The following ZNF280D variants were observed in gnomAD, a reference collection of about 807,000 sequenced individuals.
The protein encoded by ZNF280D is zinc finger protein 280D.
A neutral mutation model predicts 94.7 loss-of-function variants in ZNF280D; 39 were observed. The observed-to-expected ratio is 0.41, with a 90% CI of 0.32 to 0.54. The LOEUF is 0.54. Among genes scored for constraint, ZNF280D ranks in the 20% least tolerant of loss-of-function variants. ZNF280D has a pLI of 0.22. For synonymous variants in ZNF280D, 398 were observed against 377.6 expected, an observed-to-expected ratio of 1.05 and a Z score of -0.63; for missense variants, 1,090 against 1,149.3, an observed-to-expected ratio of 0.95 and a Z score of 0.75.
chr15:56,642,666 G>C (rs565551417), intron 20 of ZNF280D, among the ~76,000 whole-genome samples: 69 of 151,532 alleles, frequency 4.6e-4, no homozygotes, highest in African/African-American at 1.6e-3. Context: ...ACTGATTTGG[G>C]GATTTTTAAT....
intron 10 of ZNF280D, among the ~76,000 whole-genome samples, chr15:56,679,029 T>G (rs1422808759): frequency 6.6e-6 from 1 of 152,220 alleles, no homozygotes; most frequent in Non-Finnish European, 1.5e-5. Flanking sequence ...TGCTTTAAAA[T>G]AATTCATTCA....
At chr15:56,649,382 T>A (rs2053080406) in intron 19 of ZNF280D, among the ~76,000 whole-genome samples, 1 of 152,132 alleles carries the variant, frequency 6.6e-6, no homozygotes, top group Non-Finnish European at 1.5e-5. Flanking sequence ...GCTTACCAGA[T>A]ATCAAAGGCA....
intron 1 of ZNF280D, among the ~76,000 whole-genome samples, chr15:56,727,003 C>G (rs958718974): frequency 1.3e-5 from 2 of 152,080 alleles, no homozygotes; most frequent in Non-Finnish European, 2.9e-5. Context: ...TTTAACCCCC[C>G]CAAAAAAGGG....
intron 13 of ZNF280D, among the ~76,000 whole-genome samples, 195 bp downstream of exon 13, chr15:56,676,475 C>T (rs1187087099): frequency 1.3e-5 from 2 of 152,010 alleles, no homozygotes; most frequent in Non-Finnish European, 2.9e-5. Flanking sequence ...TTATTTATGA[C>T]CCACACCATC....
chr15:56,704,142 T>C lies in ZNF280D; in HGVS notation c.154A>G (p.Ser52Gly), dbSNP rs147937001. 10 of 1,613,748 alleles carry C rather than the reference T, an allele frequency of 6.2e-6. No homozygotes were observed. Among genetic ancestry groups the C allele is most frequent in the Non-Finnish European group, 7.6e-6 (9 of 1,179,918 alleles). ...DEPIFVGEIS[S>G]SKPAISNILN... ...TTACTTGAAATTGCTGGTTTTGAAC[T>C]TGATATCTCGCCAACAAAGATTGGC... Residue 52 changes from serine (S) to glycine (G), a missense_variant, in exon 4 of 22, where the codon AGT becomes GGT. By Grantham distance (56) the Ser-to-Gly change is moderately conservative. Coordinates refer to ENST00000267807, the MANE Select transcript of ZNF280D (RefSeq NM_017661.4).
chr15:56,678,431 T>C (rs2055392377), intron 11 of ZNF280D, among the ~76,000 whole-genome samples: 1 of 152,250 alleles, frequency 6.6e-6, no homozygotes, highest in South Asian at 2.1e-4. Context: ...ATATAATGCA[T>C]AGTTTATGTC....
chr15:56,721,449 T>C, intron 1 of ZNF280D, among the ~76,000 whole-genome samples: 1 of 152,228 alleles, frequency 6.6e-6, no homozygotes, highest in East Asian at 1.9e-4. Flanking sequence ...GGTATCTTCT[T>C]CCAATAAATA....
rs575278225 is a variant in ZNF280D at position 56,709,817 on chromosome 15, T to A, written c.-85-2511A>T. Among the ~76,000 whole-genome samples the A allele has an allele frequency of 7.9e-5, 12 of 152,034 alleles. 1 individual carries two copies. Among genetic ancestry groups the A allele is most frequent in the Non-Finnish European group, 1.3e-4 (9 of 67,974 alleles). ...GATGGGAATTGAACAATGAGAACAC[T>A]TGGACACAGGAAGGGGAACATCACA... On this transcript the variant is annotated intron_variant, in intron 1 of 21. Coordinates refer to ENST00000267807, the MANE Select transcript of ZNF280D (RefSeq NM_017661.4).
chr15:56,679,711 T>A (rs1305213629), intron 10 of ZNF280D, among the ~76,000 whole-genome samples: 2 of 152,298 alleles, frequency 1.3e-5, no homozygotes, highest in African/African-American at 4.8e-5. Context: ...TCACTTTGAA[T>A]CCCTAAAAGA....
At chr15:56,645,432 A>G (rs755238033) in intron 19 of ZNF280D, 2 of 152,204 alleles carry the variant, frequency 1.3e-5, no homozygotes, top group African/African-American at 2.4e-5. Flanking sequence ...CCTCTATGAA[A>G]ATCTGCTGAA....
At chr15:56,647,930 T>C (rs1375823098) in intron 19 of ZNF280D, among the ~76,000 whole-genome samples, 2 of 152,192 alleles carry the variant, frequency 1.3e-5, no homozygotes, top group African/African-American at 2.4e-5. Context: ...AGTTGACAAT[T>C]CAGTTCAGAA....
intron 1 of ZNF280D, among the ~76,000 whole-genome samples, chr15:56,728,782 TTC>T (rs1195641768): frequency 1.3e-5 from 2 of 152,174 alleles, no homozygotes; most frequent in African/African-American, 2.4e-5. Flanking sequence ...CATACAACCA[TTC>T]TGTTTTTCAC....
At chr15:56,676,621 T>TTTCACTAATTATG in intron 13 of ZNF280D, 49 bp downstream of exon 13, 1 of 1,501,552 alleles carries the variant, frequency 6.7e-7, no homozygotes, top group Non-Finnish European at 8.9e-7. Context: ...CATAATCAGT[T>TTTCACTAATTATG]TTTTCACTAA....
chr15:56,664,804 G>T (rs2140835223), intron 16 of ZNF280D, among the ~76,000 whole-genome samples: 1 of 152,282 alleles, frequency 6.6e-6, no homozygotes, highest in East Asian at 1.9e-4. Flanking sequence ...CAAAAGAGAA[G>T]AGGTTCAAAT....
intron 1 of ZNF280D, among the ~76,000 whole-genome samples, chr15:56,715,471 G>C (rs760308381): frequency 6.6e-6 from 1 of 152,034 alleles, no homozygotes; most frequent in Non-Finnish European, 1.5e-5. Context: ...GTATTCCAGT[G>C]CCTTGAATGA....
At chr15:56,682,833 T>C (rs919543880) in intron 9 of ZNF280D, among the ~76,000 whole-genome samples, 16 of 152,018 alleles carry the variant, frequency 1.1e-4, no homozygotes, top group African/African-American at 3.6e-4. Context: ...CGTCAAGATG[T>C]ATAGAAAGGA....
At chr15:56,701,896 G>A (rs1483585457) in intron 4 of ZNF280D, among the ~76,000 whole-genome samples, 3 of 151,934 alleles carry the variant, frequency 2.0e-5, no homozygotes, top group African/African-American at 7.2e-5. Flanking sequence ...CCATGACTTT[G>A]AGGATCAATT....
At chr15:56,656,760 C>T (rs752792624) in intron 17 of ZNF280D, among the ~76,000 whole-genome samples, 2 of 151,970 alleles carry the variant, frequency 1.3e-5, no homozygotes, top group Admixed American at 6.6e-5. Context: ...AAACCACACA[C>T]AATATAGTGA....
intron 6 of ZNF280D, 149 bp downstream of exon 6, chr15:56,700,784 C>T (rs774374661): frequency 1.5e-4 from 234 of 1,533,902 alleles, no homozygotes; most frequent in Admixed American, 5.0e-4. Context: ...CTTGAGCTAG[C>T]GAAAATATGG....
Sources: allele counts gnomAD v4.1 joint callset (sites outside exome capture counted in the v4.1 genomes callset), GRCh38; gene constraint gnomAD v4.1.1; transcripts MANE v1.5; gene names NCBI Gene and HGNC (gene_info 2026-07-23, HGNC 2026-07-21).